RBFOX3: variants seen among roughly 807,000 people sequenced by gnomAD.
RBFOX3 encodes the protein RNA binding fox-1 homolog 3, also known as RNA binding protein fox-1 homolog 3.
Under a neutral mutation model 48.7 loss-of-function variants are expected in RBFOX3, and 17 were observed. The observed-to-expected ratio is 0.35, with a 90% CI of 0.24 to 0.52. The LOEUF is 0.52. Among genes scored for constraint, RBFOX3 ranks in the 20% least tolerant of loss-of-function variants. RBFOX3 has a pLI of 0.94. For synonymous variants in RBFOX3, 212 were observed against 209.5 expected, an observed-to-expected ratio of 1.01 and a Z score of -0.10; for missense variants, 382 against 497.5, an observed-to-expected ratio of 0.77 and a Z score of 2.21.
At chr17:79,573,952 G>A (rs1410167686) in intron 1 of RBFOX3, among the ~76,000 whole-genome samples, 1 of 152,210 alleles carries the variant, frequency 6.6e-6, no homozygotes, top group South Asian at 2.1e-4. Flanking sequence ...CAGGCGGGGA[G>A]GAGAAAAACA....
intron 9 of RBFOX3, chr17:79,098,474 T>C (rs1417883809): frequency 6.6e-6 from 1 of 152,250 alleles, no homozygotes; most frequent in Non-Finnish European, 1.5e-5. Context: ...CCCTCCCCAT[T>C]TTGCAGATGA....
At position 79,390,014 on chromosome 17, in the gene RBFOX3, C is replaced by T. The variant is rs1469413209; in HGVS notation, c.-174-82190G>A. Among the ~76,000 whole-genome samples the T allele has an allele frequency of 7.7e-6, 1 of 129,828 alleles. No homozygotes were observed. The highest frequency in any genetic ancestry group is 1.9e-5 in the Non-Finnish European group (1 of 53,972). The allele number at this position is 129,828 out of a possible 152,430, so 85.2% of individuals were successfully genotyped here. A position where few individuals can be genotyped will look rare whatever the true frequency, so the allele number is the denominator to read the frequency against. On this transcript the variant is annotated intron_variant, in intron 2 of 14. Transcript: ENST00000693108. This position sits in a 1 kb window ranked among gnomAD's most constrained non-coding sequence, Gnocchi z 4.2. ...CTCCAGGTCTCCGCAGCCTCCAGGT[C>T]TCCGCAGCCTCCAGGTCTCCGTAGC...
At chr17:79,313,858 T>G (rs2145783964) in intron 2 of RBFOX3, among the ~76,000 whole-genome samples, 1 of 152,316 alleles carries the variant, frequency 6.6e-6, no homozygotes, top group East Asian at 1.9e-4. Flanking sequence ...GAGGCTCCCC[T>G]GCTTGTCCTC....
rs537331718 is a variant in RBFOX3, at chr17:79,457,725, C to T, written c.-175+24729G>A. Among the ~76,000 whole-genome samples the T allele has an allele frequency of 3.3e-5, 5 of 152,348 alleles. No individual in the cohort carries two copies. In the South Asian group the frequency reaches 1.0e-3, roughly 32 times the overall value. ...GGGCTGTCCCCGCGATGTCCCTGCACACAACAGCCATGAGATCCCTGCCCT... is the reference window on the plus strand; with the variant it reads ...GGGCTGTCCCCGCGATGTCCCTGCATACAACAGCCATGAGATCCCTGCCCT... On this transcript the variant is annotated intron_variant, in intron 2 of 14. Coordinates refer to ENST00000693108, the MANE Select transcript of RBFOX3 (RefSeq NM_001350451.2).
rs995998298 is a variant in RBFOX3 at position 79,570,958 on chromosome 17, G to A, written c.-320+39868C>T. On this transcript the variant is annotated intron_variant, in intron 1 of 14. Coordinates refer to ENST00000693108, the MANE Select transcript of RBFOX3 (RefSeq NM_001350451.2). The stretch of plus-strand genomic sequence containing the variant: ...ATAAGAGACTCTTACTGAAGGATGA[G>A]GGGGGGCCCCCGGGAGAAAAGAATT... Among the ~76,000 whole-genome samples, 675 of 151,736 alleles carry A rather than the reference G, an allele frequency of 4.4e-3. 7 individuals are homozygous for A. Among genetic ancestry groups the A allele is most frequent in the South Asian group, 0.018 (87 of 4,818 alleles).
intron 1 of RBFOX3, among the ~76,000 whole-genome samples, chr17:79,548,640 A>C (rs1599121828): frequency 6.6e-6 from 1 of 152,324 alleles, no homozygotes; most frequent in Non-Finnish European, 1.5e-5. Flanking sequence ...GCTGTAAATC[A>C]GGGGACATTC....
At chr17:79,166,546 AG>A (rs1394601127) in intron 4 of RBFOX3, among the ~76,000 whole-genome samples, 1 of 152,118 alleles carries the variant, frequency 6.6e-6, no homozygotes, top group Non-Finnish European at 1.5e-5. Context: ...AAGGGTCCCG[AG>A]GGAGGGCAGA....
At chr17:79,567,444 C>T (rs907908455) in intron 1 of RBFOX3, among the ~76,000 whole-genome samples, 99 of 152,238 alleles carry the variant, frequency 6.5e-4, no homozygotes, top group African/African-American at 2.2e-3. Context: ...CTTGGCCTTC[C>T]GAAGTGCTGG....
intron 3 of RBFOX3, among the ~76,000 whole-genome samples, chr17:79,302,243 C>A (rs2075425629): frequency 6.6e-6 from 1 of 152,282 alleles, no homozygotes; most frequent in Middle Eastern, 3.4e-3. Flanking sequence ...CATCAGCAGC[C>A]CTTCAAGAAG....
intron 1 of RBFOX3, among the ~76,000 whole-genome samples, chr17:79,583,943 G>A (rs1406287808): frequency 6.6e-6 from 1 of 152,108 alleles, no homozygotes; most frequent in Non-Finnish European, 1.5e-5. Flanking sequence ...GGACATGGCG[G>A]GGGATGGAGA....
At position 79,535,467 on chromosome 17, in the gene RBFOX3, C is replaced by A. The variant is rs1168739919; in HGVS notation, c.-319-52869G>T. Reference sequence around the variant, plus strand: ...TCACAAGGGGACAGCGGCCTCCAATCTCCCGATTCCTTTACTCTCCCCTGT... The same window carrying A: ...TCACAAGGGGACAGCGGCCTCCAATATCCCGATTCCTTTACTCTCCCCTGT... On this transcript the variant is annotated intron_variant, in intron 1 of 14. Coordinates refer to ENST00000693108, the MANE Select transcript of RBFOX3 (RefSeq NM_001350451.2). This position sits in a 1 kb window ranked among gnomAD's most constrained non-coding sequence, Gnocchi z 4.5. Among the ~76,000 whole-genome samples, 1 of 152,178 alleles carries A rather than the reference C, an allele frequency of 6.6e-6. No individual in the cohort carries two copies.
At chr17:79,402,979 G>A (rs927217268) in intron 2 of RBFOX3, among the ~76,000 whole-genome samples, 9 of 152,184 alleles carry the variant, frequency 5.9e-5, no homozygotes, top group African/African-American at 2.2e-4. Context: ...ATCGCCATCA[G>A]ATCATGCTGA....
chr17:79,191,880 T>C (rs2054594584), intron 4 of RBFOX3, among the ~76,000 whole-genome samples: 6 of 152,110 alleles, frequency 3.9e-5, no homozygotes, highest in Admixed American at 3.9e-4. Context: ...GGCAGCCTCT[T>C]CCCTCCCGGC....
the RBFOX3 span, among the ~76,000 whole-genome samples, chr17:79,641,622 T>TA: frequency 2.6e-5 from 4 of 152,182 alleles, no homozygotes; most frequent in Non-Finnish European, 5.9e-5. Flanking sequence ...ATTCAGCCTT[T>TA]AAAAAGAAGA....
Position 79,148,895 on chromosome 17 carries a change from G to C in RBFOX3, c.-33-33147C>G, listed in dbSNP as rs1016837093. ...CCCTCGCTGGCACTGATCAGGTCCT[G>C]AGTTTGTAAGGTCATGGGGGATGGA... is the stretch of plus-strand genomic sequence containing the variant. On this transcript the variant is annotated intron_variant, in intron 4 of 14. Transcript: ENST00000693108. Among the ~76,000 whole-genome samples, 74 of 152,346 alleles carry C rather than the reference G, an allele frequency of 4.9e-4. 1 individual carries two copies. Among genetic ancestry groups the C allele is most frequent in the African/African-American group, 1.7e-3 (71 of 41,570 alleles).
intron 4 of RBFOX3, among the ~76,000 whole-genome samples, chr17:79,217,136 C>T (rs1472513459): frequency 6.6e-6 from 1 of 152,268 alleles, no homozygotes; most frequent in African/African-American, 2.4e-5. Context: ...GGGGCAGGTT[C>T]CTCCCTGCAA....
upstream of RBFOX3, among the ~76,000 whole-genome samples, chr17:79,612,326 T>C (rs1048059169): frequency 6.6e-6 from 1 of 152,132 alleles, no homozygotes; most frequent in African/African-American, 2.4e-5. Context: ...AGCCTCCTCC[T>C]CGCACCTGAC....
intron 2 of RBFOX3, among the ~76,000 whole-genome samples, chr17:79,396,661 G>A (rs1290517733): frequency 6.6e-6 from 1 of 152,228 alleles, no homozygotes. Context: ...CCAGACTCAG[G>A]AGGGCTGTCA....
chr17:79,230,937 C>T (rs2060963274), intron 4 of RBFOX3, among the ~76,000 whole-genome samples: 1 of 152,110 alleles, frequency 6.6e-6, no homozygotes, highest in East Asian at 1.9e-4. Context: ...ATGTGCCTGC[C>T]TCCGAGAACA....
Sources: allele counts gnomAD v4.1 joint callset (sites outside exome capture counted in the v4.1 genomes callset), GRCh38; gene constraint gnomAD v4.1.1; non-coding constraint Gnocchi (gnomAD v3.1); transcripts MANE v1.5; gene names NCBI Gene and HGNC (gene_info 2026-07-23, HGNC 2026-07-21).